The following KIAA2012 variants were observed in gnomAD, a reference collection of about 807,000 sequenced individuals.
The protein encoded by KIAA2012 is uncharacterized protein KIAA2012.
Under a neutral mutation model 150.6 loss-of-function variants are expected in KIAA2012, and 125 were observed. The ratio of observed to expected loss-of-function variants is 0.83; its 90% CI spans 0.72 to 0.96. The LOEUF is 0.96. Among genes scored for constraint, KIAA2012 ranks in the 40% least tolerant of loss-of-function variants. The probability of loss-of-function intolerance (pLI) is 0.00; values close to 1 mark genes in which losing one functional copy is unlikely to be tolerated. For missense variants in KIAA2012, 1,219 were observed against 1,354.9 expected, an observed-to-expected ratio of 0.90 and a Z score of 1.57; for synonymous variants, 462 against 504.7, an observed-to-expected ratio of 0.92 and a Z score of 1.13.
chr2:202,162,311 G>C (rs1691672536), intron 14 of KIAA2012, among the ~76,000 whole-genome samples: 1 of 152,008 alleles, frequency 6.6e-6, no homozygotes, highest in South Asian at 2.1e-4. Flanking sequence ...GTCTCACTCT[G>C]TCATCCAGGC....
intron 12 of KIAA2012, among the ~76,000 whole-genome samples, chr2:202,126,189 G>A (rs1461656486): frequency 2.0e-5 from 3 of 151,860 alleles, no homozygotes; most frequent in East Asian, 1.9e-4. Flanking sequence ...TCCTGACCTC[G>A]TAATCTGCCC....
chr2:202,099,757 T>C lies in KIAA2012; in HGVS notation c.973T>C (p.Cys325Arg). The change falls in exon 6 of 24, where the codon TGT (cysteine) becomes CGT (arginine). Residue 325 changes from cysteine to arginine, a missense_variant. Transcript: ENST00000498697. ...AAGTGACAAATCCCACATTACATTC[T>C]GTGGAGGCGCCTTCCCTAATAGGAA... is the stretch of plus-strand genomic sequence containing the variant. ...LPSDKSHITF[C>R]GGAFPNRKAD... The C allele has an allele frequency of 6.5e-7, 1 of 1,550,384 alleles. No homozygotes were observed. Among genetic ancestry groups the C allele is most frequent in the Non-Finnish European group, 8.7e-7 (1 of 1,146,930 alleles).
chr2:202,186,413 G>A (rs2105743452), intron 16 of KIAA2012, among the ~76,000 whole-genome samples: 1 of 152,226 alleles, frequency 6.6e-6, no homozygotes, highest in African/African-American at 2.4e-5. Flanking sequence ...TGGGGAGGCT[G>A]AGGCAGGAGA....
chr2:202,135,224 A>G (rs1691035420), intron 12 of KIAA2012, among the ~76,000 whole-genome samples: 1 of 152,250 alleles, frequency 6.6e-6, no homozygotes, highest in South Asian at 2.1e-4. Flanking sequence ...AGTGGCAGAA[A>G]TGTTCATCAC....
chr2:202,200,163 C>T (rs910413297), intron 22 of KIAA2012, among the ~76,000 whole-genome samples: 1 of 152,028 alleles, frequency 6.6e-6, no homozygotes, highest in Admixed American at 6.6e-5. Context: ...AATCTCTTGA[C>T]CTCGTGGTCC....
At chr2:202,198,490 T>G (rs1692453167) in intron 22 of KIAA2012, among the ~76,000 whole-genome samples, 1 of 152,328 alleles carries the variant, frequency 6.6e-6, no homozygotes, top group South Asian at 2.1e-4. Flanking sequence ...GAGGGCCTTG[T>G]TAGAAGAAAA....
intron 11 of KIAA2012, among the ~76,000 whole-genome samples, chr2:202,122,534 C>CTTG (rs1173013154): frequency 1.6e-5 from 2 of 122,638 alleles, no homozygotes; most frequent in East Asian, 4.7e-4. Flanking sequence ...GAGTTTCATT[C>CTTG]TTGTTGCCCA....
intron 14 of KIAA2012, among the ~76,000 whole-genome samples, chr2:202,158,419 CA>C (rs1462567978): frequency 2.4e-4 from 37 of 152,316 alleles, no homozygotes; most frequent in African/African-American, 7.0e-4. Flanking sequence ...GGAAGATAAA[CA>C]ATGAAACAGG....
At chr2:202,081,577 C>T (rs1490181579) in intron 2 of KIAA2012, among the ~76,000 whole-genome samples, 6 of 125,858 alleles carry the variant, frequency 4.8e-5, no homozygotes, top group Admixed American at 4.6e-4. Context: ...GACGGAGTTT[C>T]GCTCTTGTTG....
chr2:202,174,912 A>G (rs1265730108), intron 15 of KIAA2012, among the ~76,000 whole-genome samples: 1 of 152,260 alleles, frequency 6.6e-6, no homozygotes, highest in Non-Finnish European at 1.5e-5. Context: ...GACTTTTAAC[A>G]TAATCATGAT....
intron 2 of KIAA2012, among the ~76,000 whole-genome samples, chr2:202,087,453 T>C (rs1277052780): frequency 1.5e-5 from 2 of 130,300 alleles, no homozygotes; most frequent in African/African-American, 3.0e-5. Flanking sequence ...GCAGAGATTG[T>C]AGTGAACCAA....
intron 11 of KIAA2012, among the ~76,000 whole-genome samples, chr2:202,122,006 C>G (rs1384413828): frequency 6.6e-6 from 1 of 152,070 alleles, no homozygotes. Flanking sequence ...GCCGAGACAC[C>G]AGAATGAACA....
At chr2:202,125,631 G>A (rs1011041915) in intron 12 of KIAA2012, among the ~76,000 whole-genome samples, 2 of 152,146 alleles carry the variant, frequency 1.3e-5, no homozygotes, top group Non-Finnish European at 2.9e-5. Flanking sequence ...ATTGTCCCCT[G>A]GAGTCGTGCA....
chr2:202,182,378 C>T (rs1692139665), intron 15 of KIAA2012, among the ~76,000 whole-genome samples: 1 of 152,014 alleles, frequency 6.6e-6, no homozygotes, highest in South Asian at 2.1e-4. Flanking sequence ...CCCAAAAGTG[C>T]TGAGATTACA....
chr2:202,176,203 CTTT>C (rs5837808), intron 15 of KIAA2012, among the ~76,000 whole-genome samples: 1 of 145,652 alleles, frequency 6.9e-6, no homozygotes. Context: ...ATTGATAAAT[CTTT>C]TTTTTTTTTT....
Position 202,103,024 on chromosome 2 carries a change from G to A in KIAA2012, c.1234G>A (p.Ala412Thr). Residue 412 changes from alanine to threonine, a missense_variant, in exon 8 of 24, where the codon GCC becomes ACC. Coordinates refer to ENST00000498697, the MANE Select transcript of KIAA2012 (RefSeq NM_001277372.4). ...GGAGCCCCTGAAGAGCCAATTTAAA[G>A]CCAATGAGCCCCCAACAGAGCTCTT... is the stretch of plus-strand genomic sequence containing the variant. The part of the protein sequence containing the change: ...VLEPLKSQFK[A>T]NEPPTELFIL... The A allele has an allele frequency of 1.3e-6, 2 of 1,550,520 alleles. No homozygotes were observed. Among genetic ancestry groups the A allele is most frequent in the African/African-American group, 1.4e-5 (1 of 73,142 alleles).
chr2:202,188,790 T>G (rs1692276556), intron 18 of KIAA2012, among the ~76,000 whole-genome samples: 1 of 152,162 alleles, frequency 6.6e-6, no homozygotes, highest in African/African-American at 2.4e-5. Context: ...GTGAGAGCAT[T>G]TGGGAAGGGG....
chr2:202,077,238 C>T (rs1371673396), intron 2 of KIAA2012: 1 of 349,532 alleles, frequency 2.9e-6, no homozygotes, highest in Non-Finnish European at 5.6e-6. Context: ...TTCCCTAAAT[C>T]AAATTCCTTC....
At chr2:202,096,318 T>G (rs1442587582) in intron 4 of KIAA2012, among the ~76,000 whole-genome samples, 1 of 151,672 alleles carries the variant, frequency 6.6e-6, no homozygotes, top group East Asian at 1.9e-4. Flanking sequence ...AATGTAGCCC[T>G]GGGTCACCTC....
Sources: allele counts gnomAD v4.1 joint callset (sites outside exome capture counted in the v4.1 genomes callset), GRCh38; gene constraint gnomAD v4.1.1; transcripts MANE v1.5; gene names NCBI Gene and HGNC (gene_info 2026-07-23, HGNC 2026-07-21).